Variants in FBN1 observed in about 807,000 individuals in gnomAD.
The protein encoded by FBN1 is fibrillin 1.
Under a neutral mutation model 365.1 loss-of-function variants are expected in FBN1, and 29 were observed. That is an observed-to-expected ratio of 0.08 (90% CI 0.06 to 0.11). The LOEUF is 0.11. Ranked by LOEUF, FBN1 falls within the 10% of genes least tolerant of loss-of-function variation. The pLI, the probability that FBN1 is intolerant of heterozygous loss-of-function variation, is 1.00. For synonymous variants in FBN1, 1,210 were observed against 1,270.5 expected (o/e 0.95, Z 1.01); for missense variants, 2,476 against 3,703.2 (o/e 0.67, Z 8.60).
At chr15:48,608,114 C>G (rs151314290) in intron 4 of FBN1, among the ~76,000 whole-genome samples, 46 of 152,352 alleles carry the variant, frequency 3.0e-4, no homozygotes, top group African/African-American at 1.1e-3. Flanking sequence ...GAAATGCAAT[C>G]TCTCATTCAG....
intron 8 of FBN1, among the ~76,000 whole-genome samples, chr15:48,530,974 T>G (rs2043967549): frequency 6.6e-6 from 1 of 152,238 alleles, no homozygotes; most frequent in Admixed American, 6.5e-5. Flanking sequence ...ACGCTTTTTA[T>G]TTCTTAATTT....
intron 2 of FBN1, among the ~76,000 whole-genome samples, chr15:48,635,255 C>T (rs1422202565): frequency 1.3e-5 from 2 of 152,068 alleles, no homozygotes; most frequent in East Asian, 1.9e-4. Context: ...TTCTCTCTTC[C>T]GCTCTGAGGG....
intron 2 of FBN1, among the ~76,000 whole-genome samples, chr15:48,618,248 TGTGATAG>T (rs1889695494): frequency 6.6e-6 from 1 of 152,136 alleles, no homozygotes; most frequent in Non-Finnish European, 1.5e-5. Context: ...CTATAAAAAA[TGTGATAG>T]ATCATGAAAC....
chr15:48,437,459 G>T lies in FBN1; in HGVS notation c.6314-72C>A. ...ACAAGCTTCTCCACAAGTATTTTGA[G>T]GTAGAAAATTGCTACATGCTGTGCA... On this transcript the variant is annotated intron_variant, in intron 51 of 65. Transcript: ENST00000316623. 2.3e-6 allele frequency: 3 copies of T among 1,308,600 alleles called. No individual in the cohort carries two copies. In the South Asian group the frequency reaches 3.6e-5, roughly 16 times the overall value. 81.1% of individuals were successfully genotyped at this position (1,308,600 alleles called of 1,614,324 possible).
At chr15:48,513,265 T>G (rs1271374325) in intron 13 of FBN1, among the ~76,000 whole-genome samples, 1 of 152,188 alleles carries the variant, frequency 6.6e-6, no homozygotes, top group African/African-American at 2.4e-5. Context: ...CACTCTCTAC[T>G]TCTCAGATGA....
At chr15:48,519,822 T>G (rs1438741620) in intron 10 of FBN1, among the ~76,000 whole-genome samples, 3 of 152,240 alleles carry the variant, frequency 2.0e-5, no homozygotes, top group Non-Finnish European at 4.4e-5. Context: ...GGACTCTAAA[T>G]ACTGTGCTAA....
rs886038924 is a variant in FBN1, at chr15:48,463,979, G to T, written c.4985C>A (p.Thr1662Lys). ...GTAGTTGCCAACGGTGTTGTAACATGTCCCTGGACCACAGATTCCAGGAGT... is the reference window on the plus strand; with the variant it reads ...GTAGTTGCCAACGGTGTTGTAACATTTCCCTGGACCACAGATTCCAGGAGT... ...CETPGICGPG[T>K]CYNTVGNYTC... is the part of the protein sequence containing the mutation. Residue 1662 changes from threonine to lysine, a missense_variant, in exon 41 of 66, where the codon ACA becomes AAA. This residue lies in a region of FBN1 where 1,780 missense variants were observed against 2,840.8 expected (regional missense o/e 0.63). Transcript: ENST00000316623. 1 of 1,613,580 alleles carries T rather than the reference G, an allele frequency of 6.2e-7. No individual in the cohort carries two copies. Among genetic ancestry groups the T allele is most frequent in the Non-Finnish European group, 8.5e-7 (1 of 1,179,528 alleles).
intron 20 of FBN1, 107 bp downstream of exon 20, chr15:48,495,993 G>T: frequency 7.1e-7 from 1 of 1,403,646 alleles, no homozygotes; most frequent in Non-Finnish European, 1.0e-6. Context: ...CAACTAAACT[G>T]GCATAACTGT....
chr15:48,492,569 C>T lies in FBN1; in HGVS notation c.2746G>A (p.Val916Met), dbSNP rs373644734. 1.8e-5 allele frequency: 29 copies of T among 1,605,170 alleles called. No individual in the cohort carries two copies. In the African/African-American group the frequency reaches 3.1e-4, roughly 17 times the overall value. Residue 916 changes from valine to methionine, a missense_variant, in exon 24 of 66, where the codon GTG (valine) becomes ATG (methionine). Coordinates refer to ENST00000316623, the MANE Select transcript of FBN1 (RefSeq NM_000138.5). ...CCATTTTTACACACTCCTGGGAACA[C>T]TTCACATTCATCTATATCTAAAAAG... is the stretch of plus-strand genomic sequence containing the variant. The part of the protein sequence containing the change: ...TQCEDIDECE[V>M]FPGVCKNGLC...
chr15:48,432,147 C>T (rs2043027187), intron 55 of FBN1, among the ~76,000 whole-genome samples: 1 of 152,012 alleles, frequency 6.6e-6, no homozygotes, highest in Admixed American at 6.6e-5. Flanking sequence ...TCTATCTTTC[C>T]CGTTTACATG....
intron 43 of FBN1, among the ~76,000 whole-genome samples, chr15:48,457,616 G>A (rs2141261547): frequency 6.6e-6 from 1 of 152,228 alleles, no homozygotes; most frequent in African/African-American, 2.4e-5. Context: ...TACCCACTCT[G>A]AACTCCTGAC....
intron 6 of FBN1, among the ~76,000 whole-genome samples, chr15:48,572,626 G>C (rs565764485): frequency 1.7e-4 from 26 of 151,682 alleles, no homozygotes; most frequent in African/African-American, 6.3e-4. Flanking sequence ...ATCTTGGAGA[G>C]AAAGTGTACA....
At chr15:48,436,671 C>T (rs920324173) in intron 53 of FBN1, among the ~76,000 whole-genome samples, 2 of 152,058 alleles carry the variant, frequency 1.3e-5, no homozygotes, top group Non-Finnish European at 2.9e-5. Context: ...TGATGTTGTC[C>T]TTTCTAGTAT....
intron 6 of FBN1, among the ~76,000 whole-genome samples, chr15:48,592,678 T>G (rs1424553019): frequency 2.0e-5 from 3 of 152,052 alleles, no homozygotes; most frequent in African/African-American, 7.2e-5. Flanking sequence ...GAAGAAAAAT[T>G]AAAGAAACTT....
chr15:48,447,766 G>T (rs2043170890), intron 46 of FBN1, among the ~76,000 whole-genome samples: 1 of 152,122 alleles, frequency 6.6e-6, no homozygotes, highest in South Asian at 2.1e-4. Flanking sequence ...GAAGATAAAT[G>T]ATCTGTGATT....
chr15:48,537,657 G>A lies in FBN1; in HGVS notation c.690C>T (p.Pro230=). 1 of 1,614,232 alleles carries A rather than the reference G, an allele frequency of 6.2e-7. No individual in the cohort carries two copies. Residue 230 remains proline (P), a synonymous_variant, in exon 7 of 66, where the codon CCC becomes CCT. Coordinates refer to ENST00000316623, the MANE Select transcript of FBN1 (RefSeq NM_000138.5). ...TATTTGGAATGAAGCCACGGCGGCA[G>A]GGGTGAGGCTGGGCAGGACACATCT... is the stretch of plus-strand genomic sequence containing the variant. ...PCEMCPAQPH[P]CRRGFIPNIR... is the part of the protein sequence containing the mutation.
At chr15:48,478,006 T>TA (rs1183218689) in intron 32 of FBN1, among the ~76,000 whole-genome samples, 14 of 152,148 alleles carry the variant, frequency 9.2e-5, no homozygotes, top group East Asian at 3.9e-4. Flanking sequence ...GGCCTCCTCT[T>TA]ACAGTCACGC....
At chr15:48,621,832 C>CA (rs764161767) in intron 2 of FBN1, among the ~76,000 whole-genome samples, 2,376 of 114,834 alleles carry the variant, frequency 0.021, 55 homozygotes, top group African/African-American at 0.059. Context: ...ACTAAAAATA[C>CA]AAAAAAAAAA....
rs190577793 is a variant in FBN1, at chr15:48,441,132, T to C, written c.6163+589A>G. On this transcript the variant is annotated intron_variant, in intron 50 of 65. Transcript: ENST00000316623. ...GTTATGCCAAAGTTCAGGATCCTTT[T>C]GATTTTTGTTTAAAATTTGAAAGTC... is the stretch of plus-strand genomic sequence containing the variant. Among the ~76,000 whole-genome samples the C allele has an allele frequency of 2.6e-5, 4 of 152,310 alleles. No homozygotes were observed. In the East Asian group the frequency reaches 5.8e-4, roughly 22 times the overall value.
Sources: gnomAD v4.1 joint callset for allele counts (sites outside exome capture counted in the v4.1 genomes callset) on GRCh38, gnomAD v4.1.1 for gene constraint, gnomAD v4.1.1 regional missense constraint, MANE v1.5 for transcripts, NCBI Gene and HGNC (gene_info 2026-07-23, HGNC 2026-07-21) for gene names.